The following TMEM108 variants were observed in gnomAD, a reference collection of about 807,000 sequenced individuals.
TMEM108 encodes cancer/testis antigen 124.
TMEM108 carries 12 observed loss-of-function variants against 35.1 expected under a neutral mutation model. That is an observed-to-expected ratio of 0.34 (90% CI 0.22 to 0.55). The LOEUF is 0.55. Among genes scored for constraint, TMEM108 ranks in the 20% least tolerant of loss-of-function variants. The pLI, the probability that TMEM108 is intolerant of heterozygous loss-of-function variation, is 0.89. For missense variants in TMEM108, 680 were observed against 753.3 expected, an observed-to-expected ratio of 0.90 and a Z score of 1.14; for synonymous variants, 287 against 308.6, an observed-to-expected ratio of 0.93 and a Z score of 0.73.
At chr3:133,049,125 T>G (rs908180832) in intron 2 of TMEM108, among the ~76,000 whole-genome samples, 1 of 152,198 alleles carries the variant, frequency 6.6e-6, no homozygotes, top group Admixed American at 6.6e-5. Flanking sequence ...TGTGTGTTTA[T>G]GATGGGGAGG....
At chr3:133,272,312 T>TGTGTGTGC (rs1553755045) in intron 3 of TMEM108, among the ~76,000 whole-genome samples, 1 of 141,822 alleles carries the variant, frequency 7.1e-6, no homozygotes, top group Non-Finnish European at 1.6e-5. Context: ...TGTGTGTGTG[T>TGTGTGTGC]TTCCTAAAGG....
At chr3:133,197,915 C>T (rs974770616) in intron 2 of TMEM108, among the ~76,000 whole-genome samples, 3 of 152,164 alleles carry the variant, frequency 2.0e-5, no homozygotes, top group African/African-American at 4.8e-5. Flanking sequence ...CAAAACCTTC[C>T]ATCTTTTGTC....
intron 2 of TMEM108, among the ~76,000 whole-genome samples, chr3:133,207,822 G>A (rs752501386): frequency 6.6e-6 from 1 of 152,056 alleles, no homozygotes; most frequent in Non-Finnish European, 1.5e-5. Flanking sequence ...GTTAAAATTA[G>A]CCATTAGAAT....
chr3:133,190,249 G>A (rs115454570), intron 2 of TMEM108, among the ~76,000 whole-genome samples: 1,983 of 152,240 alleles, frequency 0.013, 20 homozygotes, highest in South Asian at 0.019. Context: ...TGAGCCAGAG[G>A]GCTAATGTCC....
chr3:133,322,427 G>A (rs2071277943), intron 3 of TMEM108, among the ~76,000 whole-genome samples: 1 of 152,006 alleles, frequency 6.6e-6, no homozygotes, highest in Non-Finnish European at 1.5e-5. Flanking sequence ...ACCTAGAGGA[G>A]GTGGATAAAT....
intron 3 of TMEM108, among the ~76,000 whole-genome samples, chr3:133,240,784 T>C (rs1214862840): frequency 6.6e-6 from 1 of 152,212 alleles, no homozygotes; most frequent in Non-Finnish European, 1.5e-5. Context: ...TAGGGATTGT[T>C]GTGAGAGTTA....
At chr3:133,167,276 C>T (rs981364923) in intron 2 of TMEM108, among the ~76,000 whole-genome samples, 2 of 152,226 alleles carry the variant, frequency 1.3e-5, no homozygotes, top group East Asian at 3.9e-4. Flanking sequence ...CTAGACAATC[C>T]TCCAGCTAGA....
At chr3:133,123,271 C>A in intron 2 of TMEM108, among the ~76,000 whole-genome samples, 1 of 152,104 alleles carries the variant, frequency 6.6e-6, no homozygotes, top group East Asian at 1.9e-4. Flanking sequence ...CCAGTTTTAT[C>A]TTGTTGCAAA....
At chr3:133,085,020 G>A (rs9289438) in intron 2 of TMEM108, among the ~76,000 whole-genome samples, 34,786 of 152,050 alleles carry the variant, frequency 0.23, 4,766 homozygotes, top group Non-Finnish European at 0.3. Flanking sequence ...CACCTCGCGA[G>A]GCCTCATGAT....
At chr3:133,314,802 A>G (rs1232512213) in intron 3 of TMEM108, among the ~76,000 whole-genome samples, 2 of 152,228 alleles carry the variant, frequency 1.3e-5, no homozygotes, top group Admixed American at 6.5e-5. Context: ...AGTCCTTAGA[A>G]ATAGCTCATT....
chr3:133,242,791 T>C (rs1202078673), intron 3 of TMEM108, among the ~76,000 whole-genome samples: 5 of 152,120 alleles, frequency 3.3e-5, no homozygotes, highest in Non-Finnish European at 2.9e-5. Context: ...GAGAGAACAG[T>C]GTAAGATGTT....
chr3:133,134,354 CT>C (rs1169226492), intron 2 of TMEM108, among the ~76,000 whole-genome samples: 1 of 151,792 alleles, frequency 6.6e-6, no homozygotes, highest in Non-Finnish European at 1.5e-5. Context: ...TTTTACTGAC[CT>C]TTTTTTATCT....
intron 2 of TMEM108, among the ~76,000 whole-genome samples, chr3:133,227,949 A>G (rs1946098733): frequency 1.3e-5 from 2 of 152,182 alleles, no homozygotes; most frequent in African/African-American, 2.4e-5. Flanking sequence ...AGCCAGACAC[A>G]TATGATTCTG....
chr3:133,163,692 G>C (rs1014802278), intron 2 of TMEM108, among the ~76,000 whole-genome samples: 1 of 152,192 alleles, frequency 6.6e-6, no homozygotes, highest in African/African-American at 2.4e-5. Flanking sequence ...GAAGACTATG[G>C]AGAGAGGGAG....
At chr3:133,298,087 G>C (rs980956536) in intron 3 of TMEM108, among the ~76,000 whole-genome samples, 4 of 152,130 alleles carry the variant, frequency 2.6e-5, no homozygotes, top group Non-Finnish European at 4.4e-5. Context: ...CACGCTACTG[G>C]AGAGAATTGG....
intron 3 of TMEM108, among the ~76,000 whole-genome samples, chr3:133,344,551 C>G (rs62279045): frequency 6.7e-6 from 1 of 150,146 alleles, no homozygotes; most frequent in Non-Finnish European, 1.5e-5. Flanking sequence ...ATTAATTCAG[C>G]CCAAAAAAAA....
chr3:133,257,969 A>G (rs77451427), intron 3 of TMEM108, among the ~76,000 whole-genome samples: 2,175 of 152,280 alleles, frequency 0.014, 63 homozygotes, highest in African/African-American at 0.05. Flanking sequence ...CAGGATTCAG[A>G]TGCTCCTGAG....
At chr3:133,094,382 A>C (rs1943987035) in intron 2 of TMEM108, among the ~76,000 whole-genome samples, 1 of 151,968 alleles carries the variant, frequency 6.6e-6, no homozygotes, top group Non-Finnish European at 1.5e-5. Context: ...AAGTTAGCAA[A>C]TCCCTCTGTT....
At chr3:133,200,559 C>T (rs531093304) in intron 2 of TMEM108, among the ~76,000 whole-genome samples, 6 of 152,272 alleles carry the variant, frequency 3.9e-5, no homozygotes, top group Admixed American at 3.9e-4. Context: ...GAAACCCAAT[C>T]CTCCCTGCCT....
Sources: gnomAD v4.1 joint callset for allele counts (sites outside exome capture counted in the v4.1 genomes callset) on GRCh38, gnomAD v4.1.1 for gene constraint, MANE v1.5 for transcripts, NCBI Gene and HGNC (gene_info 2026-07-23, HGNC 2026-07-21) for gene names.